Variants in CYP2C8 observed in about 807,000 individuals in gnomAD.
CYP2C8 encodes the protein cytochrome P450 2C8.
Under a neutral mutation model 41.3 loss-of-function variants are expected in CYP2C8, and 51 were observed. The observed-to-expected ratio is 1.24, with a 90% confidence interval of 0.99 to 1.56. The LOEUF is 1.56. Among genes scored for constraint, CYP2C8 ranks in the 40% most tolerant of loss-of-function variants. CYP2C8 has a pLI of 0.00. For missense variants in CYP2C8, 651 were observed against 579.9 expected (o/e 1.12, Z -1.26); for synonymous variants, 218 against 205.8 (o/e 1.06, Z -0.51).
intron 7 of CYP2C8, chr10:95,039,500 TAAG>T (rs2032954683): frequency 1.2e-5 from 2 of 173,254 alleles, no homozygotes; most frequent in Non-Finnish European, 2.5e-5. Context: ...ACAAGTGCAA[TAAG>T]AAGTAAAAAC....
At position 95,067,269 on chromosome 10, in the gene CYP2C8, GCTC is replaced by G; in HGVS notation, c.417_419del (p.Arg139del). The G allele has an allele frequency of 6.2e-7, 1 of 1,614,116 alleles. No individual in the cohort carries two copies. The highest frequency in any genetic ancestry group is 8.5e-7 in the Non-Finnish European group (1 of 1,180,026). The stretch of plus-strand genomic sequence containing the variant: ...CTTCCTCTTGAACACGGTCCTCAAT[GCTC>G]CTCTTCCCCATCCCAAAATTCCGCA... On this transcript the variant is annotated inframe_deletion, in exon 3 of 9. Coordinates refer to ENST00000371270, the MANE Select transcript of CYP2C8 (RefSeq NM_000770.3).
chr10:95,046,092 G>C (rs2033104240), intron 5 of CYP2C8, 141 bp from the exon 6 acceptor site: 1 of 888,064 alleles, frequency 1.1e-6, no homozygotes, highest in Admixed American at 2.5e-5. Context: ...CAACTGTGTG[G>C]TATGGCAGAA....
chr10:95,058,791 C>T (rs969775673), intron 4 of CYP2C8, among the ~76,000 whole-genome samples: 3 of 152,058 alleles, frequency 2.0e-5, no homozygotes, highest in Non-Finnish European at 2.9e-5. Flanking sequence ...TATCCCTTCC[C>T]CCTCCCCCCA....
intron 5 of CYP2C8, among the ~76,000 whole-genome samples, chr10:95,055,984 T>G (rs1589443021): frequency 6.6e-6 from 1 of 152,170 alleles, no homozygotes; most frequent in African/African-American, 2.4e-5. Context: ...TCCTAGCTAC[T>G]TGGGAGGCTG....
chr10:95,063,656 A>C (rs2033489963), intron 4 of CYP2C8, among the ~76,000 whole-genome samples: 1 of 152,178 alleles, frequency 6.6e-6, no homozygotes, highest in Admixed American at 6.6e-5. Context: ...GTCATTCCCC[A>C]TCCAGCTTTG....
chr10:95,045,974 A>G, intron 5 of CYP2C8, 23 bp from the exon 6 acceptor site: 1 of 1,613,428 alleles, frequency 6.2e-7, no homozygotes, highest in African/African-American at 1.3e-5. Context: ...TCATGCAATT[A>G]TCTGACAAAT....
chr10:95,061,155 T>C (rs2033419861), intron 4 of CYP2C8, among the ~76,000 whole-genome samples: 1 of 152,230 alleles, frequency 6.6e-6, no homozygotes, highest in Admixed American at 6.5e-5. Context: ...GCTGGCCTCA[T>C]AAAATGAGTT....
intron 5 of CYP2C8, among the ~76,000 whole-genome samples, chr10:95,052,401 AAC>A (rs1388394473): frequency 6.6e-6 from 1 of 152,120 alleles, no homozygotes; most frequent in East Asian, 1.9e-4. Flanking sequence ...ATCCTACTCA[AAC>A]TATTCCACAA....
At chr10:95,054,610 C>T (rs926828442) in intron 5 of CYP2C8, among the ~76,000 whole-genome samples, 21 of 151,986 alleles carry the variant, frequency 1.4e-4, no homozygotes, top group Admixed American at 6.6e-4. Context: ...GAAAGGAAGA[C>T]GTAAAACTAT....
At chr10:95,045,728 G>T in intron 6 of CYP2C8, 82 bp downstream of exon 6, 1 of 1,543,564 alleles carries the variant, frequency 6.5e-7, no homozygotes, top group Non-Finnish European at 8.9e-7. Flanking sequence ...AGCCTTCTCT[G>T]AGAGAAACAA....
intron 8 of CYP2C8, among the ~76,000 whole-genome samples, chr10:95,038,439 C>A (rs1012518463): frequency 3.3e-5 from 5 of 152,230 alleles, no homozygotes; most frequent in African/African-American, 1.2e-4. Flanking sequence ...GACCTGTTTA[C>A]TCTTCTTCCC....
intron 7 of CYP2C8, among the ~76,000 whole-genome samples, chr10:95,042,030 A>G (rs2033012823): frequency 6.6e-6 from 1 of 152,180 alleles, no homozygotes; most frequent in Non-Finnish European, 1.5e-5. Flanking sequence ...AATGAAGTTA[A>G]ATAAAAGTCA....
rs568189566 is a variant in CYP2C8 at position 95,044,932 on chromosome 10, AT to A, written c.961+877del. On this transcript the variant is annotated intron_variant, in intron 6 of 8. Coordinates refer to ENST00000371270, the MANE Select transcript of CYP2C8 (RefSeq NM_000770.3). ...CAACTCCATCCTCTATGCTGTGTCA[AT>A]TGTCAGCCCTCCATTGTCTCTCCAT... Among the ~76,000 whole-genome samples the A allele has an allele frequency of 2.1e-3, 320 of 152,276 alleles. 1 individual carries two copies. Among genetic ancestry groups the A allele is most frequent in the South Asian group, 4.1e-3 (20 of 4,822 alleles).
chr10:95,066,448 A>G (rs2033569260), intron 3 of CYP2C8, among the ~76,000 whole-genome samples: 1 of 152,140 alleles, frequency 6.6e-6, no homozygotes, highest in Non-Finnish European at 1.5e-5. Context: ...GTTTTTCATA[A>G]TAGTTAAAAT....
At chr10:95,041,932 G>A (rs907170923) in intron 7 of CYP2C8, among the ~76,000 whole-genome samples, 20 of 152,020 alleles carry the variant, frequency 1.3e-4, no homozygotes, top group Non-Finnish European at 2.4e-4. Context: ...GCCTTCTGGG[G>A]GCTGGGATTT....
intron 5 of CYP2C8, among the ~76,000 whole-genome samples, chr10:95,049,326 T>C (rs775683002): frequency 6.6e-6 from 1 of 152,080 alleles, no homozygotes; most frequent in African/African-American, 2.4e-5. Flanking sequence ...GCACCTTGAT[T>C]TAAATATATA....
At chr10:95,046,748 T>TAAAA (rs56702266) in intron 5 of CYP2C8, among the ~76,000 whole-genome samples, 13 of 128,938 alleles carry the variant, frequency 1.0e-4, no homozygotes, top group East Asian at 2.3e-4. Context: ...CTAAATATGG[T>TAAAA]AAAAAAAAAA....
At chr10:95,058,810 C>T (rs911868999) in intron 4 of CYP2C8, among the ~76,000 whole-genome samples, 28 of 151,786 alleles carry the variant, frequency 1.8e-4, no homozygotes, top group African/African-American at 6.8e-4. Context: ...CACCACACAA[C>T]AGACCCCAGT....
At chr10:95,067,110 C>T (rs376042164) in intron 3 of CYP2C8, 98 bp downstream of exon 3, 128 of 1,530,676 alleles carry the variant, frequency 8.4e-5, no homozygotes, top group African/African-American at 1.9e-4. Context: ...AACCAGGATG[C>T]GCAATGAAGA....
Sources: allele counts gnomAD v4.1 joint callset (sites outside exome capture counted in the v4.1 genomes callset), GRCh38; gene constraint gnomAD v4.1.1; transcripts MANE v1.5; gene names NCBI Gene and HGNC (gene_info 2026-07-23, HGNC 2026-07-21).